SVEP1: variants seen among roughly 807,000 people sequenced by gnomAD.
SVEP1 encodes sushi, von Willebrand factor type A, EGF and pentraxin domain-containing protein 1.
In SVEP1, 164 loss-of-function variants were observed where a neutral mutation model predicts 367.3. The observed-to-expected ratio is 0.45, with a 90% CI of 0.39 to 0.51. The LOEUF (loss-of-function observed/expected upper bound fraction) is 0.51. Among genes scored for constraint, SVEP1 ranks in the 20% least tolerant of loss-of-function variants. The probability of loss-of-function intolerance (pLI) is 0.00; values close to 1 mark genes in which losing one functional copy is unlikely to be tolerated. For synonymous variants in SVEP1, 1,666 were observed against 1,611.6 expected (o/e 1.03, Z -0.81); for missense variants, 4,117 against 4,425.3 (o/e 0.93, Z 1.98).
chr9:110,371,198 G>A (rs1367938343), intron 46 of SVEP1, among the ~76,000 whole-genome samples: 3 of 152,046 alleles, frequency 2.0e-5, no homozygotes, highest in Admixed American at 6.5e-5. Flanking sequence ...ATTAAAACAA[G>A]CAAAAATAAA....
intron 22 of SVEP1, among the ~76,000 whole-genome samples, chr9:110,453,904 T>G (rs185948198): frequency 9.2e-5 from 14 of 151,396 alleles, no homozygotes; most frequent in African/African-American, 3.4e-4. Context: ...AAAAAGCCAT[T>G]CTGACTGGTG....
chr9:110,455,483 A>G lies in SVEP1; in HGVS notation c.3787+107T>C, dbSNP rs551727265. ...GAAAATATGCTTCTTCAATATGTTT[A>G]TAATATTCTATAAATGTATCTTTGA... On this transcript the variant is annotated intron_variant, in intron 22 of 47. Transcript: ENST00000374469. 5 of 781,378 alleles carry G rather than the reference A, an allele frequency of 6.4e-6. No homozygotes were observed. The African/African-American group carries it at 8.8e-5, about 14-fold the overall frequency. The allele number at this position is 781,378 out of a possible 1,614,324, so 48.4% of individuals were successfully genotyped here. A position where few individuals can be genotyped will look rare whatever the true frequency, so the allele number is the denominator to read the frequency against.
At chr9:110,478,115 G>A (rs1228320853) in intron 13 of SVEP1, among the ~76,000 whole-genome samples, 1 of 151,984 alleles carries the variant, frequency 6.6e-6, no homozygotes, top group African/African-American at 2.4e-5. Flanking sequence ...TCCTGCCTCA[G>A]GGACTTTGCA....
chr9:110,391,228 T>C (rs1006666030), intron 40 of SVEP1, among the ~76,000 whole-genome samples: 1 of 152,096 alleles, frequency 6.6e-6, no homozygotes, highest in Admixed American at 6.6e-5. Context: ...TGATTCATTT[T>C]ATGAACAAAT....
chr9:110,562,329 T>C (rs1830442271), intron 1 of SVEP1, among the ~76,000 whole-genome samples: 1 of 152,012 alleles, frequency 6.6e-6, no homozygotes, highest in South Asian at 2.1e-4. Context: ...GGATAAAAAA[T>C]CAAATTTAAT....
At chr9:110,516,831 G>A (rs1044974400) in intron 3 of SVEP1, among the ~76,000 whole-genome samples, 1 of 152,250 alleles carries the variant, frequency 6.6e-6, no homozygotes, top group East Asian at 1.9e-4. Flanking sequence ...AGAAGTAATG[G>A]TTATGATATT....
chr9:110,408,647 C>A lies in SVEP1; in HGVS notation c.6953G>T (p.Cys2318Phe), dbSNP rs772246065. The A allele has an allele frequency of 1.9e-6, 3 of 1,614,002 alleles. No homozygotes were observed. Among genetic ancestry groups the A allele is most frequent in the Non-Finnish European group, 2.5e-6 (3 of 1,179,902 alleles). ...CGGCTCTGGGCACTTGGCAGGCATGCACTTTGGATTTGACTTCTTATTCCA... is the reference window on the plus strand; with the variant it reads ...CGGCTCTGGGCACTTGGCAGGCATGAACTTTGGATTTGACTTCTTATTCCA... ...GKWNKKSNPK[C>F]MPAKCPEPPL... The change falls in exon 38 of 48, where the codon TGC becomes TTC. Residue 2318 changes from cysteine (C) to phenylalanine (F), a missense_variant. By Grantham distance (205) the Cys-to-Phe change is radical. This residue lies in a region of SVEP1 where 1,765 missense variants were observed against 1,781.1 expected (regional missense o/e 0.99). Transcript: ENST00000374469.
intron 22 of SVEP1, among the ~76,000 whole-genome samples, chr9:110,454,544 C>T (rs924324985): frequency 7.2e-5 from 11 of 152,156 alleles, no homozygotes; most frequent in Admixed American, 3.3e-4. Flanking sequence ...ATAGCAAAGA[C>T]ATGGAATACA....
chr9:110,477,455 C>G (rs1450491323), intron 13 of SVEP1, among the ~76,000 whole-genome samples: 1 of 152,172 alleles, frequency 6.6e-6, no homozygotes, highest in African/African-American at 2.4e-5. Flanking sequence ...AAAATGTAAC[C>G]CTGCTGGCTG....
intron 5 of SVEP1, among the ~76,000 whole-genome samples, chr9:110,507,253 A>G (rs921952257): frequency 4.5e-4 from 68 of 152,098 alleles, no homozygotes; most frequent in Admixed American, 4.4e-3. Flanking sequence ...TTTTGTTGAG[A>G]CTCCGGGTGG....
rs1827615194 is a variant in SVEP1 at position 110,390,130 on chromosome 9, TATAA to T, written c.9823-547_9823-544del. Among the ~76,000 whole-genome samples, 12 of 114,312 alleles carry T rather than the reference TATAA, an allele frequency of 1.0e-4. No individual in the cohort carries two copies. The South Asian group carries it at 3.6e-3, about 34-fold the overall frequency. The allele number at this position is 114,312 out of a possible 152,430, so 75.0% of individuals were successfully genotyped here. Reference sequence around the variant, plus strand: ...ATAAGTATATATACATACATACTTATATAAGTATATATACAAGTATATACATACA... The same window carrying T: ...ATAAGTATATATACATACATACTTATGTATATATACAAGTATATACATACA... On this transcript the variant is annotated intron_variant, in intron 40 of 47. Transcript: ENST00000374469.
At chr9:110,482,823 C>T (rs920467789) in intron 10 of SVEP1, among the ~76,000 whole-genome samples, 1 of 152,194 alleles carries the variant, frequency 6.6e-6, no homozygotes, top group African/African-American at 2.4e-5. Flanking sequence ...TCACCGCGCC[C>T]AGCCTATAGT....
intron 17 of SVEP1, among the ~76,000 whole-genome samples, chr9:110,467,633 TTAC>T: frequency 7.1e-6 from 1 of 141,264 alleles, no homozygotes; most frequent in Admixed American, 7.0e-5. Context: ...CCTGTCTTTT[TTAC>T]TTTTTTTTTT....
At chr9:110,544,737 T>C (rs1184768056) in intron 3 of SVEP1, among the ~76,000 whole-genome samples, 1 of 152,214 alleles carries the variant, frequency 6.6e-6, no homozygotes, top group African/African-American at 2.4e-5. Flanking sequence ...AATTACCATA[T>C]CTGTCACCTC....
intron 4 of SVEP1, among the ~76,000 whole-genome samples, chr9:110,513,607 A>T (rs1312111396): frequency 6.6e-6 from 1 of 152,224 alleles, no homozygotes; most frequent in Non-Finnish European, 1.5e-5. Context: ...AAATGTGACT[A>T]TCTCCAGAGC....
At chr9:110,501,483 T>G (rs1829527779) in intron 6 of SVEP1, among the ~76,000 whole-genome samples, 1 of 150,726 alleles carries the variant, frequency 6.6e-6, no homozygotes, top group Admixed American at 6.7e-5. Flanking sequence ...TCTCGTTGAT[T>G]AGTAGATTCA....
intron 3 of SVEP1, among the ~76,000 whole-genome samples, chr9:110,525,206 T>C (rs78638924): frequency 0.03 from 4,619 of 152,224 alleles, 86 homozygotes; most frequent in African/African-American, 0.052. Context: ...AAATTTCAAG[T>C]ACTCTACCAA....
chr9:110,552,375 G>C (rs1248523201), intron 1 of SVEP1, among the ~76,000 whole-genome samples: 1 of 152,082 alleles, frequency 6.6e-6, no homozygotes, highest in Non-Finnish European at 1.5e-5. Flanking sequence ...TTTGGCACCT[G>C]GGACCAGTTT....
Position 110,406,780 on chromosome 9 carries a change from C to T in SVEP1, c.8820G>A (p.Glu2940=). The T allele has an allele frequency of 6.2e-7, 1 of 1,614,012 alleles. No individual in the cohort carries two copies. Residue 2940 remains glutamate (E), a synonymous_variant, in exon 38 of 48, where the codon GAG becomes GAA. Transcript: ENST00000374469. ...AGTTGACTGGTTTACAGAGAGGAAT[C>T]TCTGCATCCCAGTTGCCATCTGACT... ...TCQSDGNWDA[E]IPLCKPVNCG...
Sources: gnomAD v4.1 joint callset for allele counts (sites outside exome capture counted in the v4.1 genomes callset) on GRCh38, gnomAD v4.1.1 for gene constraint, gnomAD v4.1.1 regional missense constraint, MANE v1.5 for transcripts, NCBI Gene and HGNC (gene_info 2026-07-23, HGNC 2026-07-21) for gene names.